SAMD12: variants seen among roughly 807,000 people sequenced by gnomAD.
SAMD12 encodes sterile alpha motif domain containing 12, also known as sterile alpha motif domain-containing protein 12.
A neutral mutation model predicts 15.0 loss-of-function variants in SAMD12; 9 were observed. That is an observed-to-expected ratio of 0.60 (90% CI 0.36 to 1.05). SAMD12 has a LOEUF of 1.05. SAMD12 is among the 50% of genes least tolerant of loss of function. The pLI is 0.01. For missense variants in SAMD12, 230 were observed against 234.2 expected (o/e 0.98, Z 0.12); for synonymous variants, 86 against 90.1 (o/e 0.96, Z 0.25).
the SAMD12 span, among the ~76,000 whole-genome samples, chr8:118,183,102 C>T: frequency 6.6e-6 from 1 of 152,202 alleles, no homozygotes; most frequent in Admixed American, 6.5e-5. Flanking sequence ...GGGCAGTATT[C>T]TCCATGAAGA....
chr8:118,418,025 T>C (rs1477941786), intron 3 of SAMD12, among the ~76,000 whole-genome samples: 2 of 152,208 alleles, frequency 1.3e-5, no homozygotes, highest in Non-Finnish European at 2.9e-5. Context: ...TGGCTCATTC[T>C]TTCTTTTTTT....
the SAMD12 span, among the ~76,000 whole-genome samples, chr8:118,184,206 T>G: frequency 6.6e-6 from 1 of 152,224 alleles, no homozygotes; most frequent in Admixed American, 6.5e-5. Flanking sequence ...AGGATTTTAT[T>G]TTCACAGAGC....
chr8:118,375,354 T>A (rs76026996), downstream of SAMD12, among the ~76,000 whole-genome samples: 717 of 152,316 alleles, frequency 4.7e-3, 4 homozygotes, highest in Admixed American at 0.014. Flanking sequence ...CTTATACGCA[T>A]ATGTAAATTA....
At chr8:118,191,461 A>G (rs1166958924) in exon 5 of SAMD12, 1 of 151,928 alleles carries the variant, frequency 6.6e-6, no homozygotes, top group African/African-American at 2.4e-5. Context: ...GAATAAAACT[A>G]AAAAAGACAA....
chr8:118,354,611 T>G (rs1365968025), intron 4 of SAMD12, among the ~76,000 whole-genome samples: 4 of 152,190 alleles, frequency 2.6e-5, no homozygotes, highest in Non-Finnish European at 4.4e-5. Context: ...AAGTATAAAG[T>G]CAGTTCCTAG....
chr8:118,390,710 G>A (rs565814724), intron 3 of SAMD12, among the ~76,000 whole-genome samples: 3 of 152,194 alleles, frequency 2.0e-5, no homozygotes, highest in East Asian at 1.9e-4. Context: ...GCTGCCCACC[G>A]TCAAGTCCGG....
chr8:118,428,201 T>C (rs1384709533), intron 3 of SAMD12, among the ~76,000 whole-genome samples: 1 of 152,208 alleles, frequency 6.6e-6, no homozygotes, highest in African/African-American at 2.4e-5. Flanking sequence ...GCTTTCTTCT[T>C]GTCTCTGGCT....
chr8:118,410,078 CATTT>C (rs1821335249), intron 3 of SAMD12, among the ~76,000 whole-genome samples: 1 of 152,042 alleles, frequency 6.6e-6, no homozygotes, highest in Admixed American at 6.5e-5. Context: ...TTTCAAGATC[CATTT>C]ATTTTTCTAT....
intron 4 of SAMD12, among the ~76,000 whole-genome samples, chr8:118,271,694 T>C (rs373774868): frequency 3.9e-5 from 6 of 152,032 alleles, no homozygotes; most frequent in African/African-American, 1.4e-4. Context: ...ATGGGAGAAA[T>C]TGGCCAAAAC....
chr8:118,390,483 G>A (rs1470277955), intron 3 of SAMD12, among the ~76,000 whole-genome samples: 1 of 152,146 alleles, frequency 6.6e-6, no homozygotes, highest in Non-Finnish European at 1.5e-5. Context: ...CCAAGTCTGA[G>A]CTAGCCCTTC....
chr8:118,464,667 C>G (rs921680238), intron 2 of SAMD12, among the ~76,000 whole-genome samples: 1 of 151,968 alleles, frequency 6.6e-6, no homozygotes, highest in Non-Finnish European at 1.5e-5. Flanking sequence ...TTATTTTGAG[C>G]AAACATAGTT....
At chr8:118,208,577 C>T (rs1048416321) in intron 4 of SAMD12, among the ~76,000 whole-genome samples, 1 of 152,198 alleles carries the variant, frequency 6.6e-6, no homozygotes, top group African/African-American at 2.4e-5. Flanking sequence ...GTGAACTGAA[C>T]TATGTGCAAT....
chr8:118,311,027 T>A lies in SAMD12; in HGVS notation c.433+68533A>T, dbSNP rs78544358. On this transcript the variant is annotated intron_variant, in intron 4 of 4. Transcript: ENST00000409003. ...CCACAATACACTAAATGTTCTCTGT[T>A]ACCTCATTAATTCTCACAACAGCTC... Among the ~76,000 whole-genome samples, 1,182 of 152,362 alleles carry A rather than the reference T, an allele frequency of 7.8e-3. 8 individuals are homozygous for A. Among genetic ancestry groups the A allele is most frequent in the South Asian group, 0.037 (180 of 4,832 alleles).
At chr8:118,352,837 G>A (rs1818022587) in intron 4 of SAMD12, among the ~76,000 whole-genome samples, 1 of 152,120 alleles carries the variant, frequency 6.6e-6, no homozygotes, top group African/African-American at 2.4e-5. Flanking sequence ...AAAGACCTAT[G>A]CTAACCGTAG....
chr8:118,253,201 G>A (rs1328986988), intron 4 of SAMD12, among the ~76,000 whole-genome samples: 1 of 152,180 alleles, frequency 6.6e-6, no homozygotes, highest in Non-Finnish European at 1.5e-5. Context: ...ACTAAGTAGA[G>A]TAGGTATGGT....
intron 3 of SAMD12, among the ~76,000 whole-genome samples, chr8:118,430,658 A>T (rs12156430): frequency 6.6e-6 from 1 of 151,988 alleles, no homozygotes; most frequent in South Asian, 2.1e-4. Context: ...CCACGCTCAG[A>T]CTAATTGCCG....
intron 4 of SAMD12, among the ~76,000 whole-genome samples, chr8:118,366,361 C>T (rs1429193183): frequency 6.6e-6 from 1 of 152,170 alleles, no homozygotes; most frequent in South Asian, 2.1e-4. Context: ...TAATATTTTA[C>T]ATATAGGTCT....
intron 4 of SAMD12, among the ~76,000 whole-genome samples, chr8:118,302,077 A>ATTTTTTTTTTTTTTTTTTTTTTTT (rs1815061746): frequency 1.4e-5 from 1 of 70,962 alleles, no homozygotes. Context: ...GATCTTTGAG[A>ATTTTTTTTTTTTTTTTTTTTTTTT]GTTTTTTTTT....
chr8:118,142,979 T>G, the SAMD12 span, among the ~76,000 whole-genome samples: 1 of 152,206 alleles, frequency 6.6e-6, no homozygotes, highest in Non-Finnish European at 1.5e-5. Flanking sequence ...GCCTGTTTAT[T>G]ACGAAACACA....
Sources: gnomAD v4.1 joint callset for allele counts (sites outside exome capture counted in the v4.1 genomes callset) on GRCh38, gnomAD v4.1.1 for gene constraint, MANE v1.5 for transcripts, NCBI Gene and HGNC (gene_info 2026-07-23, HGNC 2026-07-21) for gene names.